MALRD1: variants seen among roughly 807,000 people sequenced by gnomAD.
MALRD1 encodes the protein MAM and LDL receptor class A domain containing 1, also known as MAM and LDL-receptor class A domain-containing protein 1.
A neutral mutation model predicts 242.1 loss-of-function variants in MALRD1; 247 were observed. The observed-to-expected ratio is 1.02, with a 90% CI of 0.92 to 1.13. MALRD1 has a LOEUF of 1.13. MALRD1 is among the 50% of genes most tolerant of loss of function. MALRD1 has a pLI of 0.00. For synonymous variants in MALRD1, 995 were observed against 866.6 expected, an observed-to-expected ratio of 1.15 and a Z score of -2.60; for missense variants, 2,989 against 2,533.1, an observed-to-expected ratio of 1.18 and a Z score of -3.86.
chr10:19,165,508 G>A (rs775786549), intron 12 of MALRD1, 129 bp from the exon 13 acceptor site: 8 of 624,032 alleles, frequency 1.3e-5, no homozygotes, highest in Non-Finnish European at 1.8e-5. Context: ...TTTCATGCCT[G>A]TAATCCCAGC....
chr10:19,181,635 C>T (rs937651307), intron 14 of MALRD1, among the ~76,000 whole-genome samples: 19 of 151,886 alleles, frequency 1.3e-4, no homozygotes, highest in African/African-American at 4.4e-4. Context: ...TAATGTACAA[C>T]GTGAGGACTA....
chr10:19,204,528 A>G, intron 16 of MALRD1, 115 bp downstream of exon 16: 1 of 683,518 alleles, frequency 1.5e-6, no homozygotes. Context: ...GTTTTACTCT[A>G]AAAATAGTAT....
chr10:19,471,371 C>A (rs918011276), intron 29 of MALRD1, among the ~76,000 whole-genome samples: 5 of 151,806 alleles, frequency 3.3e-5, no homozygotes, highest in African/African-American at 9.6e-5. Flanking sequence ...AAATATGATG[C>A]CTTTGGCTTT....
intron 36 of MALRD1, among the ~76,000 whole-genome samples, chr10:19,649,293 G>A (rs1167198615): frequency 6.6e-6 from 1 of 152,162 alleles, no homozygotes; most frequent in Non-Finnish European, 1.5e-5. Flanking sequence ...TCTGCTTTTA[G>A]CTCCTTGAGG....
At chr10:19,724,160 A>T (rs1007872510) in intron 38 of MALRD1, among the ~76,000 whole-genome samples, 1 of 152,138 alleles carries the variant, frequency 6.6e-6, no homozygotes, top group African/African-American at 2.4e-5. Flanking sequence ...TGTTACTCCC[A>T]TGAGATGGTA....
At chr10:19,492,967 A>C (rs1015965441) in intron 30 of MALRD1, among the ~76,000 whole-genome samples, 2 of 152,122 alleles carry the variant, frequency 1.3e-5, no homozygotes, top group African/African-American at 4.8e-5. Context: ...AAAATTTTTA[A>C]TATATTTTTA....
At chr10:19,094,459 G>A (rs1265240649) in intron 4 of MALRD1, among the ~76,000 whole-genome samples, 1 of 148,822 alleles carries the variant, frequency 6.7e-6, no homozygotes, top group African/African-American at 2.5e-5. Flanking sequence ...CTCGCGCACG[G>A]TGTGCACACA....
chr10:19,603,103 A>G (rs566510016), intron 34 of MALRD1, among the ~76,000 whole-genome samples: 1 of 152,272 alleles, frequency 6.6e-6, no homozygotes, highest in South Asian at 2.1e-4. Flanking sequence ...GCCCTTTGTC[A>G]GATGAGTAGA....
Position 19,391,639 on chromosome 10 carries a change from C to T in MALRD1, c.4845+2030C>T, listed in dbSNP as rs147443157. Among the ~76,000 whole-genome samples, 51 of 152,300 alleles carry T rather than the reference C, an allele frequency of 3.3e-4. No homozygotes were observed. In the East Asian group the frequency reaches 6.8e-3, roughly 20 times the overall value. On this transcript the variant is annotated intron_variant, in intron 28 of 39. Transcript: ENST00000454679. ...TCTGGCTTTTCCCTCCACACCGAGT[C>T]GCACCCAATCGGGAAGACTCGACCT...
chr10:19,094,259 G>A lies in MALRD1; in HGVS notation c.597+6074G>A, dbSNP rs1465038812. On this transcript the variant is annotated intron_variant, in intron 4 of 39. Coordinates refer to ENST00000454679, the MANE Select transcript of MALRD1 (RefSeq NM_001142308.3). The stretch of plus-strand genomic sequence containing the variant: ...AATCAGCGAGATTCCGTGGGCATAG[G>A]ACCCTCTGAGCCAGGTGTGGGATAT... 5.0e-5 allele frequency among the ~76,000 whole-genome samples: 5 copies of A among 99,690 alleles called. 2 individuals are homozygous for A. The highest frequency in any genetic ancestry group is 1.0e-4 in the Non-Finnish European group (5 of 50,182). 65.4% of individuals were successfully genotyped at this position (99,690 alleles called of 152,430 possible).
chr10:19,231,902 A>G (rs1838097404), intron 18 of MALRD1, among the ~76,000 whole-genome samples: 1 of 152,176 alleles, frequency 6.6e-6, no homozygotes, highest in East Asian at 1.9e-4. Flanking sequence ...AAACAAAATA[A>G]TTAAGCATGG....
In MALRD1 at chr10:19,567,550, A is replaced by G. The variant is rs1351343278; in HGVS notation, c.5527A>G (p.Ile1843Val). ...GCTAAACATCCTGGTGTGGTCAGTG[A>G]TTGGAAATAAAAGAACGGGATGGAC... The part of the protein sequence containing the change: ...SGLNILVWSV[I>V]GNKRTGWTYG... Residue 1843 changes from isoleucine to valine, a missense_variant, in exon 33 of 40, where the codon ATT becomes GTT. Physicochemically the swap from Ile to Val is conservative, Grantham distance 29. Coordinates refer to ENST00000454679, the MANE Select transcript of MALRD1 (RefSeq NM_001142308.3). 3.2e-6 allele frequency: 5 copies of G among 1,550,424 alleles called. No individual in the cohort carries two copies. Among genetic ancestry groups the G allele is most frequent in the Admixed American group, 3.9e-5 (2 of 50,984 alleles).
chr10:19,360,358 G>A (rs908126393), intron 26 of MALRD1, among the ~76,000 whole-genome samples: 1 of 151,906 alleles, frequency 6.6e-6, no homozygotes, highest in Non-Finnish European at 1.5e-5. Flanking sequence ...TCTTCTGTTC[G>A]TGGATCTAAT....
intron 4 of MALRD1, among the ~76,000 whole-genome samples, chr10:19,096,555 C>A (rs1836042134): frequency 6.6e-6 from 1 of 152,170 alleles, no homozygotes; most frequent in South Asian, 2.1e-4. Flanking sequence ...AGCAAGTGAG[C>A]AGATGTTCAT....
At chr10:19,437,734 A>G (rs1441367550) in intron 28 of MALRD1, among the ~76,000 whole-genome samples, 2 of 152,110 alleles carry the variant, frequency 1.3e-5, no homozygotes, top group African/African-American at 4.8e-5. Context: ...TTAATTTTAG[A>G]CCTGGCAGTC....
rs536970325 is a variant in MALRD1, at chr10:19,345,550, C to A, written c.3902-2221C>A. ...TACAAGAGGTTATAAGTATTATAGTCTATTCTAGGAAAAAAAAAATTACAA... is the reference window on the plus strand; with the variant it reads ...TACAAGAGGTTATAAGTATTATAGTATATTCTAGGAAAAAAAAAATTACAA... On this transcript the variant is annotated intron_variant, in intron 24 of 39. Transcript: ENST00000454679. Among the ~76,000 whole-genome samples the A allele has an allele frequency of 4.0e-5, 6 of 151,544 alleles. 1 individual carries two copies. In the South Asian group the frequency reaches 1.3e-3, roughly 32 times the overall value.
chr10:19,227,878 A>C (rs11009019), intron 18 of MALRD1, among the ~76,000 whole-genome samples: 46,680 of 152,020 alleles, frequency 0.31, 7,706 homozygotes, highest in African/African-American at 0.43. Context: ...TTGACATTAC[A>C]TGTCATCAGG....
intron 18 of MALRD1, among the ~76,000 whole-genome samples, chr10:19,217,832 G>A (rs901741590): frequency 7.9e-5 from 12 of 152,080 alleles, no homozygotes; most frequent in African/African-American, 1.9e-4. Context: ...TCAATCATGC[G>A]GTCTTTATAC....
chr10:19,666,402 A>G (rs148149422), intron 36 of MALRD1, among the ~76,000 whole-genome samples: 483 of 152,260 alleles, frequency 3.2e-3, no homozygotes, highest in African/African-American at 0.011. Flanking sequence ...GTTTCTGACT[A>G]TAATGCTGTA....
Sources: allele counts gnomAD v4.1 joint callset (sites outside exome capture counted in the v4.1 genomes callset), GRCh38; gene constraint gnomAD v4.1.1; transcripts MANE v1.5; gene names NCBI Gene and HGNC (gene_info 2026-07-23, HGNC 2026-07-21).